Variants in GPR89B observed in about 807,000 individuals in gnomAD.
GPR89B encodes the protein G protein-coupled receptor 89B.
In GPR89B, 25 loss-of-function variants were observed where a neutral mutation model predicts 52.4. The observed-to-expected ratio is 0.48, with a 90% confidence interval of 0.35 to 0.67. The LOEUF (loss-of-function observed/expected upper bound fraction) is 0.67. Among genes scored for constraint, GPR89B ranks in the 30% least tolerant of loss-of-function variants. GPR89B has a pLI of 0.01. For synonymous variants in GPR89B, 52 were observed against 151.2 expected, an observed-to-expected ratio of 0.34 and a Z score of 4.81; for missense variants, 146 against 450.2, an observed-to-expected ratio of 0.32 and a Z score of 6.11.
At chr1:147,956,461 A>G (rs1656120769) in intron 7 of GPR89B, among the ~76,000 whole-genome samples, 1 of 152,108 alleles carries the variant, frequency 6.6e-6, no homozygotes, top group African/African-American at 2.4e-5. Context: ...GGATTACATT[A>G]AATCTATAGA....
At chr1:147,936,561 A>T (rs1373567632) in intron 1 of GPR89B, 66 bp from the exon 2 acceptor site, 1 of 1,133,310 alleles carries the variant, frequency 8.8e-7, no homozygotes, top group Non-Finnish European at 1.3e-6. Flanking sequence ...TTATCATAAA[A>T]GAGTTTCTAT....
chr1:147,993,638 G>A (rs2149099145), downstream of GPR89B: 2 of 154,462 alleles, frequency 1.3e-5, no homozygotes, highest in East Asian at 3.9e-4. Flanking sequence ...GCTGTGGGGT[G>A]AAACCGTGAA....
At chr1:147,967,495 G>A (rs2149075076) in intron 8 of GPR89B, 1 of 151,892 alleles carries the variant, frequency 6.6e-6, no homozygotes, top group Middle Eastern at 3.4e-3. Context: ...TTCCTGATTG[G>A]TTATGATGTT....
chr1:147,986,344 T>A, intron 11 of GPR89B, 50 bp downstream of exon 11: 3 of 1,607,410 alleles, frequency 1.9e-6, no homozygotes, highest in Non-Finnish European at 2.6e-6. Flanking sequence ...TTTTATCTGC[T>A]ATAACTTATC....
the GPR89B span, among the ~76,000 whole-genome samples, chr1:148,013,791 T>A: frequency 6.6e-6 from 1 of 151,918 alleles, no homozygotes; most frequent in Non-Finnish European, 1.5e-5. Context: ...CAACTCCCTC[T>A]CCAAGTGCTG....
chr1:147,958,841 A>T (rs1396186310), intron 7 of GPR89B, among the ~76,000 whole-genome samples: 1 of 151,998 alleles, frequency 6.6e-6, no homozygotes, highest in Non-Finnish European at 1.5e-5. Context: ...TCACAGAAGA[A>T]TCAGCCTCCC....
intron 1 of GPR89B, among the ~76,000 whole-genome samples, chr1:147,933,136 TC>T (rs1271245935): frequency 6.6e-6 from 1 of 151,986 alleles, no homozygotes; most frequent in Non-Finnish European, 1.5e-5. Context: ...ATCCTTCTCA[TC>T]TTTTTCTCCT....
Position 147,944,052 on chromosome 1 carries a change from C to T in GPR89B, c.369C>T (p.Phe123=), listed in dbSNP as rs587766922. ...TCTTATGGCTGACCTTTATGTATTT[C>T]TTCTGGAAACTAGGAGATCCCTTTC... ...SCLLWLTFMY[F]FWKLGDPFPI... is the part of the protein sequence containing the mutation. The change falls in exon 5 of 14, where the codon TTC becomes TTT. Residue 123 remains phenylalanine, a synonymous_variant. Transcript: ENST00000314163. The T allele has an allele frequency of 6.3e-7, 1 of 1,577,246 alleles. No individual in the cohort carries two copies. The highest frequency in any genetic ancestry group is 2.1e-5 in the Admixed American group (1 of 48,294).
At chr1:147,943,363 C>T (rs1277627940) in intron 3 of GPR89B, 75 bp from the exon 4 acceptor site, 5 of 1,595,012 alleles carry the variant, frequency 3.1e-6, no homozygotes, top group Non-Finnish European at 4.3e-6. Context: ...GCAAAAGGAC[C>T]CTTTGGAAGA....
the GPR89B span, among the ~76,000 whole-genome samples, chr1:148,007,367 G>A: frequency 1.3e-5 from 2 of 152,060 alleles, no homozygotes; most frequent in Non-Finnish European, 2.9e-5. Context: ...GAGCCACTGC[G>A]CCCGGCCTGA....
At chr1:148,006,228 C>A in the GPR89B span, among the ~76,000 whole-genome samples, 2 of 146,716 alleles carry the variant, frequency 1.4e-5, no homozygotes, top group African/African-American at 5.2e-5. Flanking sequence ...TAAAACATGC[C>A]CACACTGCAT....
chr1:148,013,169 G>T, the GPR89B span, among the ~76,000 whole-genome samples: 3 of 152,164 alleles, frequency 2.0e-5, no homozygotes, highest in Non-Finnish European at 2.9e-5. Flanking sequence ...GAGGTTTGGA[G>T]GCACAAAAGG....
intron 8 of GPR89B, 160 bp from the exon 9 acceptor site, chr1:147,968,715 A>C: frequency 9.4e-7 from 1 of 1,069,056 alleles, no homozygotes; most frequent in South Asian, 1.4e-5. Flanking sequence ...AGAGGTTGGG[A>C]AAGTTGCTCT....
chr1:148,000,533 C>G, the GPR89B span, among the ~76,000 whole-genome samples: 2 of 151,712 alleles, frequency 1.3e-5, no homozygotes, highest in Non-Finnish European at 1.5e-5. Flanking sequence ...AGCTGCGTGA[C>G]TTTAGCAAAG....
At chr1:148,005,733 C>T in the GPR89B span, among the ~76,000 whole-genome samples, 2 of 152,004 alleles carry the variant, frequency 1.3e-5, no homozygotes, top group African/African-American at 4.8e-5. Flanking sequence ...GGGCTGCCTT[C>T]GATTGTCTTG....
At chr1:147,931,413 A>G (rs587598094) in intron 1 of GPR89B, among the ~76,000 whole-genome samples, 222 of 152,284 alleles carry the variant, frequency 1.5e-3, no homozygotes, top group African/African-American at 5.3e-3. Flanking sequence ...GAAAGTATTA[A>G]GTCTCATTTT....
intron 7 of GPR89B, among the ~76,000 whole-genome samples, chr1:147,963,109 GGCTCA>G: frequency 1.3e-5 from 2 of 149,176 alleles, no homozygotes; most frequent in Non-Finnish European, 3.0e-5. Flanking sequence ...CCGGTGCGGT[GGCTCA>G]CGCCTGTAAT....
At chr1:147,931,136 C>T (rs1653564051) in intron 1 of GPR89B, among the ~76,000 whole-genome samples, 1 of 152,002 alleles carries the variant, frequency 6.6e-6, no homozygotes, top group African/African-American at 2.4e-5. Context: ...GGACCTGGCA[C>T]ATATTAGGCA....
chr1:148,011,984 C>T, the GPR89B span: 1 of 152,144 alleles, frequency 6.6e-6, no homozygotes, highest in Admixed American at 6.5e-5. Flanking sequence ...CCCCGGCTCT[C>T]CAGCTCACCA....
Sources: allele counts gnomAD v4.1 joint callset (sites outside exome capture counted in the v4.1 genomes callset), GRCh38; gene constraint gnomAD v4.1.1; transcripts MANE v1.5; gene names NCBI Gene and HGNC (gene_info 2026-07-23, HGNC 2026-07-21).